Variants in FANCB observed in about 807,000 individuals in gnomAD.
FANCB encodes the protein Fanconi anemia group B protein.
A neutral mutation model predicts 38.9 loss-of-function variants in FANCB; 5 were observed. The observed-to-expected ratio is 0.13, with a 90% CI of 0.07 to 0.27. The LOEUF is 0.27. FANCB is among the 10% of genes least tolerant of loss of function. FANCB has a pLI of 1.00. For synonymous variants in FANCB, 236 were observed against 215.4 expected, an observed-to-expected ratio of 1.10 and a Z score of -0.84; for missense variants, 573 against 602.7, an observed-to-expected ratio of 0.95 and a Z score of 0.52.
rs7881195 is a variant in FANCB at position 14,844,365 on chromosome X, T to C, written c.2165+138A>G. 17,106 of 513,389 alleles carry C rather than the reference T, an allele frequency of 0.033. 1,245 individuals carry two copies. The highest frequency in any genetic ancestry group is 0.27 in the African/African-American group (11,176 of 41,738). 42.3% of individuals were successfully genotyped at this position (513,389 alleles called of 1,213,427 possible). ...CAGTTTCTAAATGAAGCCGATGCGT[T>C]CATTCATGCTAGGCCATGGCTCTGT... is the stretch of plus-strand genomic sequence containing the variant. On this transcript the variant is annotated intron_variant, in intron 9 of 9. Transcript: ENST00000650831.
chrX:14,800,213 A>G, the FANCB span, among the ~76,000 whole-genome samples: 9 of 112,067 alleles, frequency 8.0e-5, no homozygotes, highest in Non-Finnish European at 1.7e-4. Flanking sequence ...AAGAACACTC[A>G]TGTCTAATGG....
chrX:14,747,812 C>T, the FANCB span, among the ~76,000 whole-genome samples: 45 of 112,195 alleles, frequency 4.0e-4, no homozygotes, highest in African/African-American at 1.4e-3. Flanking sequence ...CTTCTTCATG[C>T]GTGGACATTT....
At chrX:14,710,217 C>A in the FANCB span, among the ~76,000 whole-genome samples, 1 of 112,062 alleles carries the variant, frequency 8.9e-6, no homozygotes, top group Admixed American at 9.5e-5. Context: ...ACTGAGCCCC[C>A]TGCAGAAACA....
chrX:14,773,957 C>G, the FANCB span, among the ~76,000 whole-genome samples: 2 of 111,300 alleles, frequency 1.8e-5, no homozygotes, highest in Non-Finnish European at 3.8e-5. Flanking sequence ...TGGTGAGGTT[C>G]TATATTTCAC....
chrX:14,846,304 G>A (rs2092377006), intron 7 of FANCB, among the ~76,000 whole-genome samples: 1 of 111,228 alleles, frequency 9.0e-6, no homozygotes. Context: ...AACCACAACA[G>A]ACCAAACTAA....
At chrX:14,747,628 T>TA in the FANCB span, among the ~76,000 whole-genome samples, 1 of 112,508 alleles carries the variant, frequency 8.9e-6, no homozygotes, top group Admixed American at 9.4e-5. Context: ...TACACATAGC[T>TA]ATTTTAAAGT....
At chrX:14,731,772 AAGC>A in the FANCB span, 1 of 112,097 alleles carries the variant, frequency 8.9e-6, no homozygotes, top group Admixed American at 9.5e-5. Flanking sequence ...TTATTTTAAA[AAGC>A]ATTTGTTCAA....
At chrX:14,737,259 TG>T in the FANCB span, among the ~76,000 whole-genome samples, 1 of 111,757 alleles carries the variant, frequency 8.9e-6, no homozygotes, top group Non-Finnish European at 1.9e-5. Flanking sequence ...TTGTCAACAA[TG>T]GAGTTCCAAG....
the FANCB span, among the ~76,000 whole-genome samples, chrX:14,753,891 AT>A: frequency 1.8e-5 from 2 of 112,484 alleles, no homozygotes; most frequent in African/African-American, 3.2e-5. Context: ...AAAGCCAGAA[AT>A]AAAATATTTT....
downstream of FANCB, among the ~76,000 whole-genome samples, chrX:14,843,109 T>C (rs1363804058): frequency 2.7e-5 from 3 of 112,165 alleles, no homozygotes; most frequent in Non-Finnish European, 3.8e-5. Context: ...TTTTAAAAGA[T>C]TTAGACCAAA....
intron 6 of FANCB, among the ~76,000 whole-genome samples, chrX:14,851,148 A>G (rs2092399805): frequency 8.9e-6 from 1 of 112,306 alleles, no homozygotes; most frequent in Admixed American, 9.4e-5. Flanking sequence ...ATTCATTTCC[A>G]CACACATGTG....
chrX:14,765,295 T>C, the FANCB span, among the ~76,000 whole-genome samples: 15 of 111,711 alleles, frequency 1.3e-4, no homozygotes, highest in African/African-American at 4.6e-4. Context: ...TGGAAGCTGC[T>C]CCCAAATTCC....
the FANCB span, among the ~76,000 whole-genome samples, chrX:14,717,803 G>A: frequency 9.3e-6 from 1 of 108,097 alleles, no homozygotes; most frequent in Non-Finnish European, 1.9e-5. Flanking sequence ...TTTTGAGCAC[G>A]CATTAGATTA....
chrX:14,852,282 C>A (rs1307339926), intron 6 of FANCB, among the ~76,000 whole-genome samples: 1 of 108,932 alleles, frequency 9.2e-6, no homozygotes, highest in East Asian at 2.8e-4. Context: ...TATTCTCCTA[C>A]CTCAACCTCC....
chrX:14,779,643 A>AGTGTGGTGGTGGATGCCT, the FANCB span, among the ~76,000 whole-genome samples: 3 of 110,711 alleles, frequency 2.7e-5, no homozygotes, highest in African/African-American at 1.0e-4. Flanking sequence ...AACTGTGAAA[A>AGTGTGGTGGTGGATGCCT]ATAAATTTCT....
the FANCB span, among the ~76,000 whole-genome samples, chrX:14,711,662 C>T: frequency 3.6e-5 from 4 of 112,091 alleles, no homozygotes; most frequent in Non-Finnish European, 7.5e-5. Context: ...ATGTACATTT[C>T]CCTGAATCTT....
the FANCB span, among the ~76,000 whole-genome samples, chrX:14,749,635 A>T: frequency 8.9e-6 from 1 of 111,964 alleles, no homozygotes; most frequent in Admixed American, 9.4e-5. Context: ...CAGGCTGAGG[A>T]ATCCCAAATG....
chrX:14,807,813 C>T, the FANCB span, among the ~76,000 whole-genome samples: 11 of 111,171 alleles, frequency 9.9e-5, no homozygotes, highest in South Asian at 3.8e-3. Flanking sequence ...ATTGAGAAAC[C>T]TTTAGCCAGT....
downstream of FANCB, among the ~76,000 whole-genome samples, chrX:14,832,971 T>C (rs187052810): frequency 3.6e-5 from 4 of 112,472 alleles, no homozygotes; most frequent in South Asian, 1.1e-3. Context: ...ATATTAGGCA[T>C]TGTACAATCA....
Sources: gnomAD v4.1 joint callset for allele counts (sites outside exome capture counted in the v4.1 genomes callset) on GRCh38, gnomAD v4.1.1 for gene constraint, MANE v1.5 for transcripts, NCBI Gene and HGNC (gene_info 2026-07-23, HGNC 2026-07-21) for gene names.